Variants in ZNF592 observed in about 807,000 individuals in gnomAD.
The protein encoded by ZNF592 is zinc finger protein 592.
ZNF592 carries 11 observed loss-of-function variants against 80.3 expected under a neutral mutation model. The observed-to-expected ratio is 0.14, with a 90% confidence interval of 0.09 to 0.23. ZNF592 has a LOEUF of 0.23. Among genes scored for constraint, ZNF592 ranks in the 10% least tolerant of loss-of-function variants. The pLI, the probability that ZNF592 is intolerant of heterozygous loss-of-function variation, is 1.00. For missense variants in ZNF592, 1,420 were observed against 1,633.9 expected, an observed-to-expected ratio of 0.87 and a Z score of 2.26; for synonymous variants, 646 against 640.3, an observed-to-expected ratio of 1.01 and a Z score of -0.13.
chr15:84,780,278 C>T (rs1164433350), intron 3 of ZNF592, among the ~76,000 whole-genome samples: 3 of 152,048 alleles, frequency 2.0e-5, no homozygotes, highest in Admixed American at 6.6e-5. Context: ...TGAGCCACTG[C>T]GCTTGGCCTT....
chr15:84,784,703 C>T lies in ZNF592; in HGVS notation c.2028C>T (p.Ala676=), dbSNP rs886167372. The T allele has an allele frequency of 1.9e-6, 3 of 1,614,120 alleles. No individual in the cohort carries two copies. Among genetic ancestry groups the T allele is most frequent in the Non-Finnish European group, 2.5e-6 (3 of 1,180,028 alleles). The change falls in exon 4 of 11, where the codon GCC becomes GCT. Residue 676 remains alanine (A), a synonymous_variant. Coordinates refer to ENST00000560079, the MANE Select transcript of ZNF592 (RefSeq NM_014630.3). This position sits in a 1 kb window ranked among gnomAD's most constrained non-coding sequence, Gnocchi z 5.8. ...ACTCCACGGCACCAGCAGCCCCAGCCCCTTCATCCTCTCCCAAACATGGCC... is the reference window on the plus strand; with the variant it reads ...ACTCCACGGCACCAGCAGCCCCAGCTCCTTCATCCTCTCCCAAACATGGCC... ...PVNSTAPAAP[A]PSSSPKHGLT... is the part of the protein sequence containing the mutation.
At chr15:84,793,986 TATC>T (rs1567075108) in intron 5 of ZNF592, among the ~76,000 whole-genome samples, 1 of 152,180 alleles carries the variant, frequency 6.6e-6, no homozygotes, top group Non-Finnish European at 1.5e-5. Flanking sequence ...ATGTACAAGT[TATC>T]ATGTGGACAT....
chr15:84,770,052 G>A (rs1899654813), intron 2 of ZNF592, among the ~76,000 whole-genome samples: 1 of 152,244 alleles, frequency 6.6e-6, no homozygotes, highest in Admixed American at 6.5e-5. Flanking sequence ...ACACAGGAGA[G>A]AGATGATGGT....
intron 1 of ZNF592, among the ~76,000 whole-genome samples, chr15:84,753,685 C>T (rs1793152142): frequency 6.6e-6 from 1 of 152,148 alleles, no homozygotes; most frequent in South Asian, 2.1e-4. Context: ...GTTGGCCAGC[C>T]TGGTCTTGAA....
rs1899450490 is a variant in ZNF592 at position 84,764,702 on chromosome 15, C to T, written c.-258-5C>T. 5.0e-6 allele frequency: 2 copies of T among 398,730 alleles called. No homozygotes were observed. Among genetic ancestry groups the T allele is most frequent in the African/African-American group, 2.1e-5 (1 of 48,652 alleles). 24.7% of individuals were successfully genotyped at this position (398,730 alleles called of 1,614,324 possible). ...AAAAAAATTTTGTTTTTCTTCTTTCCTTAGGTGGTGTTTGGACTCTAGACC... is the reference window on the plus strand; with the variant it reads ...AAAAAAATTTTGTTTTTCTTCTTTCTTTAGGTGGTGTTTGGACTCTAGACC... On this transcript the variant is annotated splice_region_variant and splice_polypyrimidine_tract_variant and intron_variant, in intron 1 of 10. Coordinates refer to ENST00000560079, the MANE Select transcript of ZNF592 (RefSeq NM_014630.3).
chr15:84,782,943 C>G lies in ZNF592; in HGVS notation c.268C>G (p.Leu90Val). The change falls in exon 4 of 11, where the codon CTC becomes GTC. Residue 90 changes from leucine (L) to valine (V), a missense_variant. Leu to Val is a conservative substitution (Grantham distance 32, BLOSUM62 1). This residue lies in a region of ZNF592 where 373 missense variants were observed against 355.5 expected (regional missense o/e 1.05). Transcript: ENST00000560079. ...GGAGAAAGACCACATTACTCCCAGTCTCCTACACAATGGATTCCGGGGCTC... is the reference window on the plus strand; with the variant it reads ...GGAGAAAGACCACATTACTCCCAGTGTCCTACACAATGGATTCCGGGGCTC... ...EAEKDHITPS[L>V]LHNGFRGSDL... is the part of the protein sequence containing the mutation. The G allele has an allele frequency of 1.2e-6, 2 of 1,614,206 alleles. No homozygotes were observed. Among genetic ancestry groups the G allele is most frequent in the Non-Finnish European group, 1.7e-6 (2 of 1,180,040 alleles).
In ZNF592 at chr15:84,783,712, C is replaced by T. The variant is rs748027510; in HGVS notation, c.1037C>T (p.Ser346Leu). 3.2e-5 allele frequency: 51 copies of T among 1,614,246 alleles called. No individual in the cohort carries two copies. The highest frequency in any genetic ancestry group is 4.1e-5 in the Non-Finnish European group (48 of 1,180,048). ...GCCACTAGAAAAAGTATCAAGCCAT[C>T]GGACAGCCCTCGTAGCATCTGCAGT... is the stretch of plus-strand genomic sequence containing the variant. ...LEATRKSIKPSDSPRSICSDS... is the reference protein window; with the variant it reads ...LEATRKSIKPLDSPRSICSDS... Residue 346 changes from serine (S) to leucine (L), a missense_variant, in exon 4 of 11, where the codon TCG (serine) becomes TTG (leucine). Physicochemically the swap from Ser to Leu is moderately radical, Grantham distance 145. This residue lies in a region of ZNF592 where 524 missense variants were observed against 628.3 expected (regional missense o/e 0.83). Transcript: ENST00000560079. This position sits in a 1 kb window ranked among gnomAD's most constrained non-coding sequence, Gnocchi z 5.0.
intron 5 of ZNF592, among the ~76,000 whole-genome samples, chr15:84,796,977 C>A (rs571066982): frequency 3.9e-5 from 6 of 152,212 alleles, no homozygotes; most frequent in Non-Finnish European, 5.9e-5. Flanking sequence ...CCCGCTCCCC[C>A]CCAAGAGACA....
chr15:84,775,597 T>C (rs1332283289), intron 2 of ZNF592, among the ~76,000 whole-genome samples: 1 of 152,142 alleles, frequency 6.6e-6, no homozygotes, highest in Non-Finnish European at 1.5e-5. Context: ...CATGCCTGGT[T>C]AATTTTTGTA....
At chr15:84,764,905 G>GTTTTT (rs201727475) in intron 2 of ZNF592, 90 bp downstream of exon 2, 2 of 319,210 alleles carry the variant, frequency 6.3e-6, no homozygotes, top group Middle Eastern at 6.9e-4. Context: ...GTTTTGTTTT[G>GTTTTT]TTTTGTTTTT....
At chr15:84,779,734 ATACT>A (rs887000985) in intron 3 of ZNF592, among the ~76,000 whole-genome samples, 6 of 152,140 alleles carry the variant, frequency 3.9e-5, no homozygotes, top group African/African-American at 1.4e-4. Flanking sequence ...CCAGCAAAAG[ATACT>A]TACTTTACTT....
chr15:84,755,952 C>A (rs547212426), intron 1 of ZNF592, among the ~76,000 whole-genome samples: 1 of 152,282 alleles, frequency 6.6e-6, no homozygotes, highest in East Asian at 1.9e-4. Context: ...TAGAGTGTGA[C>A]TTGGCTTCTA....
At position 84,783,376 on chromosome 15, in the gene ZNF592, C is replaced by G; in HGVS notation, c.701C>G (p.Ala234Gly). 6.2e-7 allele frequency: 1 copy of G among 1,614,216 alleles called. No homozygotes were observed. ...NTVEPHKDPD[A>G]TRFFGEALEF... ...GTGGAACCTCACAAGGATCCGGATG[C>G]CACTCGATTCTTCGGGGAAGCTTTG... is the stretch of plus-strand genomic sequence containing the variant. The change falls in exon 4 of 11, where the codon GCC becomes GGC. Residue 234 changes from alanine to glycine, a missense_variant. Ala to Gly is a moderately conservative substitution (Grantham distance 60). Coordinates refer to ENST00000560079, the MANE Select transcript of ZNF592 (RefSeq NM_014630.3). This position sits in a 1 kb window ranked among gnomAD's most constrained non-coding sequence, Gnocchi z 5.0.
chr15:84,796,764 A>T (rs1280479698), intron 5 of ZNF592, among the ~76,000 whole-genome samples: 1 of 152,164 alleles, frequency 6.6e-6, no homozygotes, highest in African/African-American at 2.4e-5. Context: ...GAGAAAAAAA[A>T]ATGAAAAGTT....
intron 5 of ZNF592, among the ~76,000 whole-genome samples, chr15:84,796,212 ACT>A (rs1962892262): frequency 9.6e-6 from 1 of 104,082 alleles, no homozygotes; most frequent in African/African-American, 3.7e-5. Context: ...ACAAAGCAAG[ACT>A]CTGTCTCAAA....
chr15:84,797,856 C>G lies in ZNF592; in HGVS notation c.2400-13C>G, dbSNP rs781296615. On this transcript the variant is annotated splice_polypyrimidine_tract_variant and intron_variant, in intron 5 of 10. Transcript: ENST00000560079. Reference sequence around the variant, plus strand: ...TACTCCACCCACACTCACACTACCCCACTTCTGTCTAGGTGCATCCACTGT... The same window carrying G: ...TACTCCACCCACACTCACACTACCCGACTTCTGTCTAGGTGCATCCACTGT... 2.5e-6 allele frequency: 4 copies of G among 1,614,218 alleles called. No individual in the cohort carries two copies. The East Asian group carries it at 6.7e-5, about 27-fold the overall frequency.
chr15:84,790,874 T>C lies in ZNF592; in HGVS notation c.2390T>C (p.Val797Ala). The C allele has an allele frequency of 6.2e-7, 1 of 1,614,194 alleles. No individual in the cohort carries two copies. Among genetic ancestry groups the C allele is most frequent in the Non-Finnish European group, 8.5e-7 (1 of 1,180,026 alleles). The stretch of plus-strand genomic sequence containing the variant: ...AATTGCCTGCACTATGCCCGCAAGG[T>C]GGGCTACAGGTGGGTGCTGCCTGGC... ...KENCLHYARKVGYRCIHCGVV... is the reference protein window; with the variant it reads ...KENCLHYARKAGYRCIHCGVV... The change falls in exon 5 of 11, where the codon GTG becomes GCG. Residue 797 changes from valine to alanine, a missense_variant. Transcript: ENST00000560079.
rs183136168 is a variant in ZNF592 at position 84,805,763 on chromosome 15, A to C, written c.*3370A>C. The C allele has an allele frequency of 2.0e-4, 31 of 152,690 alleles. No individual in the cohort carries two copies. Among genetic ancestry groups the C allele is most frequent in the Non-Finnish European group, 4.0e-4 (27 of 68,036 alleles). 9.5% of individuals were successfully genotyped at this position (152,690 alleles called of 1,614,324 possible). The stretch of plus-strand genomic sequence containing the variant: ...GTTTGTTTTTTTGTTTTGAAAAATT[A>C]ATACATATACATGGTAAGACATTCC... On this transcript the variant is annotated 3_prime_UTR_variant, in exon 11 of 11. Transcript: ENST00000560079.
At chr15:84,786,068 A>G (rs1360978723) in intron 4 of ZNF592, among the ~76,000 whole-genome samples, 4 of 152,088 alleles carry the variant, frequency 2.6e-5, no homozygotes, top group Non-Finnish European at 5.9e-5. Context: ...TTTTTGCTTC[A>G]GTTCAGCCAG....
Sources: gnomAD v4.1 joint callset for allele counts (sites outside exome capture counted in the v4.1 genomes callset) on GRCh38, gnomAD v4.1.1 for gene constraint, gnomAD v4.1.1 regional missense constraint, Gnocchi (gnomAD v3.1) non-coding constraint, MANE v1.5 for transcripts, NCBI Gene and HGNC (gene_info 2026-07-23, HGNC 2026-07-21) for gene names.